Variants in KCNIP1 observed in about 807,000 individuals in gnomAD.
The protein encoded by KCNIP1 is A-type potassium channel modulatory protein KCNIP1.
KCNIP1 carries 18 observed loss-of-function variants against 33.0 expected under a neutral mutation model. The observed-to-expected ratio is 0.55, with a 90% CI of 0.38 to 0.81. KCNIP1 has a LOEUF of 0.81. KCNIP1 is among the 30% of genes least tolerant of loss of function. KCNIP1 has a pLI of 0.00. For missense variants in KCNIP1, 238 were observed against 271.6 expected, an observed-to-expected ratio of 0.88 and a Z score of 0.87; for synonymous variants, 93 against 98.3, an observed-to-expected ratio of 0.95 and a Z score of 0.32.
chr5:170,514,379 C>G (rs1011151920), intron 1 of KCNIP1, among the ~76,000 whole-genome samples: 3 of 152,190 alleles, frequency 2.0e-5, no homozygotes, highest in African/African-American at 7.2e-5. Flanking sequence ...GCAGGGGTGT[C>G]TTCAGGAGGC....
chr5:170,459,398 C>A (rs1189018544), intron 1 of KCNIP1, among the ~76,000 whole-genome samples: 1 of 152,132 alleles, frequency 6.6e-6, no homozygotes, highest in African/African-American at 2.4e-5. Flanking sequence ...ACATTCTATT[C>A]AACTGCATAT....
upstream of KCNIP1, chr5:170,503,949 G>C: frequency 1.2e-5 from 6 of 502,512 alleles, no homozygotes; most frequent in South Asian, 8.7e-5. Context: ...CCACCGTGCA[G>C]CCCTCGCCCC....
intron 1 of KCNIP1, among the ~76,000 whole-genome samples, chr5:170,394,383 T>A (rs1754700908): frequency 6.6e-6 from 1 of 152,214 alleles, no homozygotes. Flanking sequence ...AATCAGGGAC[T>A]GGAACCGTTC....
chr5:170,414,523 T>C (rs1177881842), intron 1 of KCNIP1, among the ~76,000 whole-genome samples: 1 of 151,668 alleles, frequency 6.6e-6, no homozygotes, highest in Non-Finnish European at 1.5e-5. Flanking sequence ...ATCACTTTCC[T>C]TTTTCTGTCC....
chr5:170,439,200 G>A (rs1462914352), intron 1 of KCNIP1, among the ~76,000 whole-genome samples: 2 of 152,206 alleles, frequency 1.3e-5, no homozygotes, highest in Non-Finnish European at 2.9e-5. Flanking sequence ...AACTGAATGG[G>A]GTTAGGGCTG....
At chr5:170,640,794 T>C (rs1561735994) in intron 1 of KCNIP1, among the ~76,000 whole-genome samples, 1 of 152,150 alleles carries the variant, frequency 6.6e-6, no homozygotes, top group South Asian at 2.1e-4. Context: ...TGGAGAACTG[T>C]AAATCTTGGA....
At chr5:170,549,670 A>G (rs916736914) in intron 1 of KCNIP1, among the ~76,000 whole-genome samples, 1 of 152,236 alleles carries the variant, frequency 6.6e-6, no homozygotes, top group African/African-American at 2.4e-5. Context: ...TTTATGTTGA[A>G]ATATGCTTAA....
At chr5:170,597,877 C>A (rs1277742678) in intron 1 of KCNIP1, among the ~76,000 whole-genome samples, 2 of 145,902 alleles carry the variant, frequency 1.4e-5, no homozygotes, top group Admixed American at 1.4e-4. Context: ...AAAGGGGAAG[C>A]TTTCATGCCA....
chr5:170,632,226 C>T (rs758183322), intron 1 of KCNIP1, among the ~76,000 whole-genome samples: 1 of 152,170 alleles, frequency 6.6e-6, no homozygotes, highest in Non-Finnish European at 1.5e-5. Flanking sequence ...CCCAGGCGAG[C>T]GAGCAAGAGA....
chr5:170,370,046 G>A (rs1763801338), intron 1 of KCNIP1, among the ~76,000 whole-genome samples: 2 of 152,138 alleles, frequency 1.3e-5, no homozygotes, highest in Admixed American at 1.3e-4. Flanking sequence ...TAGGCAGTCT[G>A]TTTGTGGCCA....
chr5:170,411,761 T>C (rs1384856351), intron 1 of KCNIP1, among the ~76,000 whole-genome samples: 1 of 152,162 alleles, frequency 6.6e-6, no homozygotes. Flanking sequence ...AGCTTCAGTC[T>C]AGCTGGAGAG....
At chr5:170,728,022 A>G (rs6870201) in intron 5 of KCNIP1, among the ~76,000 whole-genome samples, 92,253 of 152,156 alleles carry the variant, frequency 0.61, 28,703 homozygotes, top group East Asian at 0.86. Context: ...GCCCAGTAGC[A>G]GAGAAAGCCT....
chr5:170,508,866 C>T (rs1581254164), intron 1 of KCNIP1, among the ~76,000 whole-genome samples: 1 of 152,164 alleles, frequency 6.6e-6, no homozygotes, highest in African/African-American at 2.4e-5. Context: ...TTTCTTATGA[C>T]TCACAATCGC....
chr5:170,442,478 C>T (rs189102593), intron 1 of KCNIP1, among the ~76,000 whole-genome samples: 48 of 152,232 alleles, frequency 3.2e-4, no homozygotes, highest in Admixed American at 1.1e-3. Context: ...TGACCCTGGG[C>T]CTTCATGTCA....
intron 1 of KCNIP1, among the ~76,000 whole-genome samples, chr5:170,658,953 A>G (rs1761374294): frequency 6.6e-6 from 1 of 152,176 alleles, no homozygotes. Flanking sequence ...ACGAGCAGCC[A>G]TCTAAGTCGA....
intron 1 of KCNIP1, among the ~76,000 whole-genome samples, chr5:170,471,965 G>A (rs1345349995): frequency 3.9e-5 from 6 of 152,180 alleles, no homozygotes; most frequent in Non-Finnish European, 5.9e-5. Flanking sequence ...GAGGCATGAA[G>A]GCTATGGGGT....
intron 1 of KCNIP1, among the ~76,000 whole-genome samples, chr5:170,612,607 C>T (rs866897482): frequency 3.9e-5 from 6 of 152,142 alleles, no homozygotes; most frequent in South Asian, 4.1e-4. Flanking sequence ...AGCTCGCTCC[C>T]ATTTTCCTGA....
chr5:170,421,936 T>C (rs1164666588), intron 1 of KCNIP1: 2 of 152,198 alleles, frequency 1.3e-5, no homozygotes, highest in East Asian at 1.9e-4. Flanking sequence ...AACACAACTT[T>C]GTGTGAATAA....
intron 1 of KCNIP1, among the ~76,000 whole-genome samples, chr5:170,667,771 C>T (rs1027726568): frequency 6.6e-6 from 1 of 152,338 alleles, no homozygotes; most frequent in Non-Finnish European, 1.5e-5. Flanking sequence ...AATAAGTTCA[C>T]AAATGGAAGA....
Sources: gnomAD v4.1 joint callset for allele counts (sites outside exome capture counted in the v4.1 genomes callset) on GRCh38, gnomAD v4.1.1 for gene constraint, MANE v1.5 for transcripts, NCBI Gene and HGNC (gene_info 2026-07-23, HGNC 2026-07-21) for gene names.